MAN1A2: variants seen among roughly 807,000 people sequenced by gnomAD.
The protein encoded by MAN1A2 is mannosyl-oligosaccharide 1,2-alpha-mannosidase IB.
A neutral mutation model predicts 75.7 loss-of-function variants in MAN1A2; 26 were observed. The observed-to-expected ratio is 0.34, with a 90% confidence interval of 0.25 to 0.48. MAN1A2 has a LOEUF of 0.48. Among genes scored for constraint, MAN1A2 ranks in the 20% least tolerant of loss-of-function variants. The pLI is 0.99. For synonymous variants in MAN1A2, 247 were observed against 264.6 expected, an observed-to-expected ratio of 0.93 and a Z score of 0.65; for missense variants, 562 against 775.5, an observed-to-expected ratio of 0.72 and a Z score of 3.27.
At chr1:117,463,905 A>G (rs1157116641) in intron 7 of MAN1A2, among the ~76,000 whole-genome samples, 1 of 152,210 alleles carries the variant, frequency 6.6e-6, no homozygotes, top group East Asian at 1.9e-4. Context: ...CACATAGTTA[A>G]AAACTGAATT....
At position 117,368,059 on chromosome 1, in the gene MAN1A2, A is replaced by G. The variant is rs1234513922; in HGVS notation, c.-125A>G. 3 of 896,070 alleles carry G rather than the reference A, an allele frequency of 3.3e-6. No homozygotes were observed. The African/African-American group carries it at 5.0e-5, about 15-fold the overall frequency. 55.5% of individuals were successfully genotyped at this position (896,070 alleles called of 1,614,324 possible). A position where few individuals can be genotyped will look rare whatever the true frequency, so the allele number is the denominator to read the frequency against. ...GACGTGCCCTCTTAAAAAGCACAACAGTCCTTTAAGAGGAGCAAAATTGAG... is the reference window on the plus strand; with the variant it reads ...GACGTGCCCTCTTAAAAAGCACAACGGTCCTTTAAGAGGAGCAAAATTGAG... On this transcript the variant is annotated 5_prime_UTR_variant, in exon 1 of 13. Coordinates refer to ENST00000356554, the MANE Select transcript of MAN1A2 (RefSeq NM_006699.5).
In MAN1A2 at chr1:117,455,982, A is replaced by G. The variant is rs576246535; in HGVS notation, c.951-4507A>G. ...TTAAAAAATTTTTAAAGCATCTGCT[A>G]TAATAAAAAGGTGAGAAGAAAGCCA... On this transcript the variant is annotated intron_variant, in intron 6 of 12. Transcript: ENST00000356554. Among the ~76,000 whole-genome samples, 12 of 152,182 alleles carry G rather than the reference A, an allele frequency of 7.9e-5. No homozygotes were observed. The South Asian group carries it at 2.1e-3, about 26-fold the overall frequency.
intron 8 of MAN1A2, among the ~76,000 whole-genome samples, chr1:117,492,407 A>C (rs1365463271): frequency 6.6e-6 from 1 of 152,146 alleles, no homozygotes; most frequent in African/African-American, 2.4e-5. Context: ...AAGTATTTTT[A>C]AAATTAAGAT....
intron 12 of MAN1A2, among the ~76,000 whole-genome samples, chr1:117,505,423 A>G (rs1033212511): frequency 1.3e-5 from 2 of 151,328 alleles, no homozygotes; most frequent in African/African-American, 4.8e-5. Flanking sequence ...AAGTTCAGTC[A>G]GAACTCTTCT....
chr1:117,466,368 A>T lies in MAN1A2; in HGVS notation c.1109A>T (p.Asp370Val). ...ATTCGGAAACTACTTCAGAAAATGG[A>T]TCGTCCAAATGGTCTTTATCCAAAT... ...MHIRKLLQKM[D>V]RPNGLYPNYL... The change falls in exon 8 of 13, where the codon GAT becomes GTT. Residue 370 changes from aspartate (D) to valine (V), a missense_variant. Physicochemically the swap from Asp to Val is radical, Grantham distance 152. Around this residue, in one of 2 missense-constraint regions of MAN1A2, gnomAD observed 434 missense variants for 645.7 expected, o/e 0.67. Coordinates refer to ENST00000356554, the MANE Select transcript of MAN1A2 (RefSeq NM_006699.5). The T allele has an allele frequency of 6.2e-7, 1 of 1,612,032 alleles. No individual in the cohort carries two copies. Among genetic ancestry groups the T allele is most frequent in the Non-Finnish European group, 8.5e-7 (1 of 1,178,880 alleles).
chr1:117,487,515 A>C (rs780544368), intron 8 of MAN1A2, among the ~76,000 whole-genome samples: 4 of 152,086 alleles, frequency 2.6e-5, no homozygotes, highest in Non-Finnish European at 5.9e-5. Flanking sequence ...TTAAAACATA[A>C]GGACAACTAA....
Position 117,428,806 on chromosome 1 carries a change from TTA to T in MAN1A2, c.855+8158_855+8159del, listed in dbSNP as rs1491362636. On this transcript the variant is annotated intron_variant, in intron 5 of 12. Coordinates refer to ENST00000356554, the MANE Select transcript of MAN1A2 (RefSeq NM_006699.5). ...TTTCTTTTTTTTTTTTTTTTTTTTT[TTA>T]AATTTATTTTTTTATTGATAATTCT... Among the ~76,000 whole-genome samples, 1,275 of 138,880 alleles carry T rather than the reference TTA, an allele frequency of 9.2e-3. 8 individuals are homozygous for T. Among genetic ancestry groups the T allele is most frequent in the Non-Finnish European group, 0.015 (919 of 63,092 alleles). The allele number at this position is 138,880 out of a possible 152,430, so 91.1% of individuals were successfully genotyped here. A position where few individuals can be genotyped will look rare whatever the true frequency, so the allele number is the denominator to read the frequency against.
chr1:117,382,496 A>G (rs530178319), intron 1 of MAN1A2, among the ~76,000 whole-genome samples: 2 of 152,238 alleles, frequency 1.3e-5, no homozygotes, highest in Non-Finnish European at 2.9e-5. Flanking sequence ...AGTTGTAGAT[A>G]TGCGGCATTA....
intron 1 of MAN1A2, among the ~76,000 whole-genome samples, chr1:117,379,047 G>A (rs186086825): frequency 4.0e-4 from 61 of 152,080 alleles, no homozygotes; most frequent in African/African-American, 1.4e-3. Flanking sequence ...AATTGTTAAT[G>A]TTTTCATTTA....
intron 5 of MAN1A2, among the ~76,000 whole-genome samples, chr1:117,426,572 T>TA (rs750132525): frequency 3.9e-5 from 6 of 152,176 alleles, no homozygotes; most frequent in Non-Finnish European, 7.4e-5. Flanking sequence ...TCAGAACACT[T>TA]ACATTAGCTT....
intron 12 of MAN1A2, among the ~76,000 whole-genome samples, chr1:117,505,705 C>T (rs1651337236): frequency 6.6e-6 from 1 of 151,212 alleles, no homozygotes; most frequent in Non-Finnish European, 1.5e-5. Context: ...AGGAATCATT[C>T]TGCACAGTGT....
chr1:117,380,345 C>G (rs1653290445), intron 1 of MAN1A2, among the ~76,000 whole-genome samples: 1 of 152,114 alleles, frequency 6.6e-6, no homozygotes, highest in Non-Finnish European at 1.5e-5. Flanking sequence ...GTCCTTTGCA[C>G]AAAAGTTTTT....
rs12088844 is a variant in MAN1A2, at chr1:117,426,772, T to A, written c.855+6123T>A. On this transcript the variant is annotated intron_variant, in intron 5 of 12. Transcript: ENST00000356554. ...AAATCATGAGTTGAACCATCCTAAG[T>A]CAAACTGTCATAAGTTAGTGACCAT... Among the ~76,000 whole-genome samples the A allele has an allele frequency of 3.8e-3, 586 of 152,320 alleles. 7 individuals carry two copies. Among genetic ancestry groups the A allele is most frequent in the African/African-American group, 0.013 (557 of 41,590 alleles).
At chr1:117,376,052 C>T (rs1345923732) in intron 1 of MAN1A2, among the ~76,000 whole-genome samples, 1 of 152,010 alleles carries the variant, frequency 6.6e-6, no homozygotes, top group African/African-American at 2.4e-5. Flanking sequence ...GCTGGTACTA[C>T]AGGCGCCCGC....
At chr1:117,446,686 T>G (rs1649246295) in intron 6 of MAN1A2, among the ~76,000 whole-genome samples, 1 of 151,428 alleles carries the variant, frequency 6.6e-6, no homozygotes. Flanking sequence ...ACAACTTGTT[T>G]ATAGCTCCGC....
intron 8 of MAN1A2, among the ~76,000 whole-genome samples, chr1:117,483,615 C>T (rs56070912): frequency 0.25 from 38,117 of 151,944 alleles, 5,572 homozygotes; most frequent in East Asian, 0.47. Context: ...GCTGAAGTTG[C>T]TTATCAGCTT....
chr1:117,436,902 G>T (rs1010762828), intron 5 of MAN1A2, among the ~76,000 whole-genome samples: 1 of 152,176 alleles, frequency 6.6e-6, no homozygotes, highest in African/African-American at 2.4e-5. Flanking sequence ...ACTGTGAAAG[G>T]CTGACTTATT....
intron 8 of MAN1A2, among the ~76,000 whole-genome samples, chr1:117,482,332 CAACA>C (rs1650523824): frequency 6.6e-6 from 1 of 152,014 alleles, no homozygotes; most frequent in Non-Finnish European, 1.5e-5. Context: ...ACACTCCCAC[CAACA>C]GTGTAAAAGT....
rs2101836927 is a variant in MAN1A2 at position 117,461,910 on chromosome 1, G to A, written c.1074+1298G>A. On this transcript the variant is annotated intron_variant, in intron 7 of 12. Transcript: ENST00000356554. ...ATTTATACAGTAAAGAAACATTCTA[G>A]ACACTTGTGAGGAAAAACACACTGG... 2.0e-5 allele frequency among the ~76,000 whole-genome samples: 3 copies of A among 152,234 alleles called. No individual in the cohort carries two copies. The Middle Eastern group carries it at 0.01, about 518-fold the overall frequency.
Sources: allele counts gnomAD v4.1 joint callset (sites outside exome capture counted in the v4.1 genomes callset), GRCh38; gene constraint gnomAD v4.1.1; regional missense constraint gnomAD v4.1.1; transcripts MANE v1.5; gene names NCBI Gene and HGNC (gene_info 2026-07-23, HGNC 2026-07-21).